LRP1B: variants seen among roughly 807,000 people sequenced by gnomAD.
LRP1B encodes low-density lipoprotein receptor-related protein 1B.
Under a neutral mutation model 556.6 loss-of-function variants are expected in LRP1B, and 217 were observed. That is an observed-to-expected ratio of 0.39 (90% CI 0.35 to 0.44). The LOEUF (loss-of-function observed/expected upper bound fraction) is 0.44, where lower values mean the gene tolerates loss of function less well. Among genes scored for constraint, LRP1B ranks in the 20% least tolerant of loss-of-function variants. LRP1B has a pLI of 1.00. For missense variants in LRP1B, 5,053 were observed against 5,620.8 expected, an observed-to-expected ratio of 0.90 and a Z score of 3.23; for synonymous variants, 2,047 against 1,865.8, an observed-to-expected ratio of 1.10 and a Z score of -2.50.
At chr2:141,887,018 T>C (rs1416296287) in intron 1 of LRP1B, among the ~76,000 whole-genome samples, 1 of 151,480 alleles carries the variant, frequency 6.6e-6, no homozygotes, top group Non-Finnish European at 1.5e-5. Flanking sequence ...TTTTCTTTGA[T>C]GGAGTCTTGC....
At chr2:140,412,469 A>T (rs879689242) in intron 66 of LRP1B, among the ~76,000 whole-genome samples, 1 of 152,132 alleles carries the variant, frequency 6.6e-6, no homozygotes, top group Non-Finnish European at 1.5e-5. Flanking sequence ...TTTAATCTAA[A>T]TATGTCAAAT....
At chr2:141,633,002 T>C (rs1482907862) in intron 2 of LRP1B, among the ~76,000 whole-genome samples, 1 of 152,188 alleles carries the variant, frequency 6.6e-6, no homozygotes, top group Non-Finnish European at 1.5e-5. Flanking sequence ...AGATCAAATC[T>C]GTTTATGATT....
At chr2:141,399,683 G>A (rs1207018784) in intron 3 of LRP1B, among the ~76,000 whole-genome samples, 3 of 152,090 alleles carry the variant, frequency 2.0e-5, no homozygotes, top group Admixed American at 1.3e-4. Context: ...GCTTAAAGAC[G>A]TTCTCATTGA....
At chr2:142,123,782 AATACACAAGCTTAT>A (rs1336706478) in intron 1 of LRP1B, among the ~76,000 whole-genome samples, 11 of 152,054 alleles carry the variant, frequency 7.2e-5, no homozygotes, top group Admixed American at 2.6e-4. Context: ...GAAACTTTTA[AATACACAAGCTTAT>A]ATCTGAGAAA....
intron 7 of LRP1B, among the ~76,000 whole-genome samples, chr2:141,092,420 C>T (rs193268223): frequency 1.3e-5 from 2 of 152,216 alleles, no homozygotes; most frequent in East Asian, 1.9e-4. Flanking sequence ...TTTGTTATGC[C>T]TGTTAAATAT....
intron 15 of LRP1B, among the ~76,000 whole-genome samples, chr2:141,003,441 A>T (rs145145095): frequency 6.6e-6 from 1 of 152,056 alleles, no homozygotes; most frequent in African/African-American, 2.4e-5. Flanking sequence ...CTTGAATTGT[A>T]ACTCCCACAA....
At chr2:141,418,341 T>A (rs1043417075) in intron 3 of LRP1B, among the ~76,000 whole-genome samples, 3 of 152,140 alleles carry the variant, frequency 2.0e-5, no homozygotes, top group Non-Finnish European at 4.4e-5. Context: ...TGCCCTACAT[T>A]CTTTTCTTTA....
At chr2:142,120,542 C>G (rs1355822898) in intron 1 of LRP1B, among the ~76,000 whole-genome samples, 1 of 152,160 alleles carries the variant, frequency 6.6e-6, no homozygotes, top group Non-Finnish European at 1.5e-5. Context: ...ACAAACTCTT[C>G]TCAATCATGT....
At chr2:140,247,245 T>C (rs1367906323) in intron 86 of LRP1B, 83 bp from the exon 87 acceptor site, 1 of 913,062 alleles carries the variant, frequency 1.1e-6, no homozygotes, top group East Asian at 2.5e-5. Flanking sequence ...TTTAACCAAA[T>C]GAAAGGTTAC....
intron 45 of LRP1B, among the ~76,000 whole-genome samples, chr2:140,539,459 T>C (rs1234666141): frequency 1.3e-5 from 2 of 152,110 alleles, no homozygotes; most frequent in African/African-American, 4.8e-5. Context: ...TACAGTTCCA[T>C]GTGAATACAA....
rs561391127 is a variant in LRP1B at position 140,668,520 on chromosome 2, G to T, written c.6799+31730C>A. On this transcript the variant is annotated intron_variant, in intron 41 of 90. Transcript: ENST00000389484. ...ATTGATTGTAATTAGACGATACTCA[G>T]CTTAGAGGGTCATAATTTTAAACAA... is the stretch of plus-strand genomic sequence containing the variant. 2.6e-5 allele frequency among the ~76,000 whole-genome samples: 4 copies of T among 152,014 alleles called. No homozygotes were observed. The South Asian group carries it at 8.3e-4, about 31-fold the overall frequency.
intron 3 of LRP1B, among the ~76,000 whole-genome samples, chr2:141,458,598 C>G (rs183531243): frequency 6.6e-6 from 1 of 152,124 alleles, no homozygotes; most frequent in African/African-American, 2.4e-5. Flanking sequence ...GTTTTCCGTA[C>G]TTATAAAAGG....
intron 3 of LRP1B, among the ~76,000 whole-genome samples, chr2:141,443,582 A>G (rs1161396070): frequency 1.3e-5 from 2 of 152,042 alleles, no homozygotes; most frequent in Non-Finnish European, 2.9e-5. Context: ...TAAGTCTTTG[A>G]TCCATCTTGA....
At chr2:140,969,431 G>C (rs1696338337) in intron 18 of LRP1B, among the ~76,000 whole-genome samples, 1 of 150,884 alleles carries the variant, frequency 6.6e-6, no homozygotes, top group East Asian at 2.0e-4. Context: ...CTCTGCATGT[G>C]AGATGGGTCT....
intron 1 of LRP1B, among the ~76,000 whole-genome samples, chr2:142,004,086 G>A (rs1253523074): frequency 6.6e-6 from 1 of 152,190 alleles, no homozygotes; most frequent in African/African-American, 2.4e-5. Context: ...GCTAGTAGGA[G>A]GCAGAAGGAA....
intron 7 of LRP1B, among the ~76,000 whole-genome samples, chr2:141,112,170 G>A (rs1700773591): frequency 6.6e-6 from 1 of 152,074 alleles, no homozygotes. Flanking sequence ...CCCAGACCTA[G>A]CTGAGCTAAG....
At position 140,799,374 on chromosome 2, in the gene LRP1B, A is replaced by G. The variant is rs116626480; in HGVS notation, c.5359+14283T>C. Among the ~76,000 whole-genome samples the G allele has an allele frequency of 4.8e-3, 734 of 152,268 alleles. 10 individuals are homozygous for G. The highest frequency in any genetic ancestry group is 0.017 in the African/African-American group (694 of 41,570). ...TGTGTAAGAACCCGTCAAGAAGGCT[A>G]TAAAGCAGGAAGAGAGCCCTCACCA... is the stretch of plus-strand genomic sequence containing the variant. On this transcript the variant is annotated intron_variant, in intron 32 of 90. Coordinates refer to ENST00000389484, the MANE Select transcript of LRP1B (RefSeq NM_018557.3).
chr2:141,117,830 A>C (rs1215785921), intron 7 of LRP1B, among the ~76,000 whole-genome samples: 1 of 151,960 alleles, frequency 6.6e-6, no homozygotes, highest in Non-Finnish European at 1.5e-5. Context: ...TGCTCTTAAG[A>C]TATATTATTT....
At chr2:141,587,438 T>G (rs17791266) in intron 2 of LRP1B, among the ~76,000 whole-genome samples, 12,162 of 152,244 alleles carry the variant, frequency 0.08, 570 homozygotes, top group South Asian at 0.14. Context: ...TAATGCCTAG[T>G]TCAAAGAAAT....
Sources: allele counts gnomAD v4.1 joint callset (sites outside exome capture counted in the v4.1 genomes callset), GRCh38; gene constraint gnomAD v4.1.1; transcripts MANE v1.5; gene names NCBI Gene and HGNC (gene_info 2026-07-23, HGNC 2026-07-21).